The following TACR1 variants were observed in gnomAD, a reference collection of about 807,000 sequenced individuals.
The protein encoded by TACR1 is tachykinin receptor 1, also known as substance-P receptor.
A neutral mutation model predicts 35.8 loss-of-function variants in TACR1; 25 were observed. The observed-to-expected ratio is 0.70, with a 90% confidence interval of 0.51 to 0.98. The LOEUF (loss-of-function observed/expected upper bound fraction) is 0.98. TACR1 is among the 50% of genes least tolerant of loss of function. TACR1 has a pLI of 0.00. For missense variants in TACR1, 478 were observed against 522.9 expected, an observed-to-expected ratio of 0.91 and a Z score of 0.84; for synonymous variants, 195 against 206.7, an observed-to-expected ratio of 0.94 and a Z score of 0.48.
At chr2:75,138,535 A>G (rs1000454717) in intron 1 of TACR1, among the ~76,000 whole-genome samples, 1 of 152,168 alleles carries the variant, frequency 6.6e-6, no homozygotes, top group Admixed American at 6.5e-5. Flanking sequence ...AACTGAGGAA[A>G]TGTTTGAACA....
chr2:75,157,993 A>C (rs1306595655), intron 1 of TACR1, among the ~76,000 whole-genome samples: 3 of 152,256 alleles, frequency 2.0e-5, no homozygotes, highest in African/African-American at 7.2e-5. Context: ...TGAGTTTGGG[A>C]AATTCTCATT....
chr2:75,131,528 T>C (rs531000845), intron 1 of TACR1, among the ~76,000 whole-genome samples: 1 of 152,336 alleles, frequency 6.6e-6, no homozygotes, highest in South Asian at 2.1e-4. Flanking sequence ...GGTACTAATA[T>C]GAATACATTA....
chr2:75,199,146 T>A lies in TACR1; in HGVS notation c.-212A>T, dbSNP rs560897760. On this transcript the variant is annotated 5_prime_UTR_variant, in exon 1 of 5. Transcript: ENST00000305249. ...CCCGCCTGCCCGCGGTGGCTCTGAA[T>A]TCCTCCACTTTCAAGCTTCAGGAGA... 1.8e-6 allele frequency: 1 copy of A among 567,296 alleles called. No homozygotes were observed. Among genetic ancestry groups the A allele is most frequent in the African/African-American group, 1.9e-5 (1 of 53,658 alleles). 35.1% of individuals were successfully genotyped at this position (567,296 alleles called of 1,614,324 possible). A position where few individuals can be genotyped will look rare whatever the true frequency, so the allele number is the denominator to read the frequency against.
chr2:75,119,332 C>T (rs984975452), intron 2 of TACR1, among the ~76,000 whole-genome samples: 4 of 152,192 alleles, frequency 2.6e-5, no homozygotes, highest in East Asian at 1.9e-4. Flanking sequence ...ATTTTAATAA[C>T]GAGGAGAGGC....
At chr2:75,131,142 G>A (rs1313029422) in intron 1 of TACR1, among the ~76,000 whole-genome samples, 1 of 151,042 alleles carries the variant, frequency 6.6e-6, no homozygotes, top group Non-Finnish European at 1.5e-5. Context: ...AGGCTGGAGT[G>A]CAGTGGCACT....
intron 1 of TACR1, among the ~76,000 whole-genome samples, chr2:75,175,944 C>T (rs887615459): frequency 6.3e-5 from 9 of 142,190 alleles, no homozygotes; most frequent in Admixed American, 1.5e-4. Flanking sequence ...CTTTTATTGC[C>T]GATAATTAAT....
intron 1 of TACR1, among the ~76,000 whole-genome samples, chr2:75,160,491 G>C (rs1196971370): frequency 6.6e-6 from 1 of 152,004 alleles, no homozygotes; most frequent in Admixed American, 6.6e-5. Context: ...CAAAGGAATA[G>C]AAGCTGAAAT....
intron 1 of TACR1, among the ~76,000 whole-genome samples, chr2:75,153,900 T>G (rs1407103480): frequency 6.6e-6 from 1 of 152,234 alleles, no homozygotes; most frequent in Non-Finnish European, 1.5e-5. Context: ...ATTAAATTTT[T>G]TTTCCTGGAA....
intron 2 of TACR1, among the ~76,000 whole-genome samples, chr2:75,100,159 T>C (rs1180125866): frequency 6.6e-6 from 1 of 152,150 alleles, no homozygotes; most frequent in Non-Finnish European, 1.5e-5. Context: ...TAGTAGCTAA[T>C]GAGTGAGCTC....
chr2:75,062,263 G>A (rs912226430), intron 2 of TACR1, among the ~76,000 whole-genome samples: 1 of 151,740 alleles, frequency 6.6e-6, no homozygotes, highest in Non-Finnish European at 1.5e-5. Flanking sequence ...TATACTCATC[G>A]TCGATTTGAA....
intron 1 of TACR1, among the ~76,000 whole-genome samples, chr2:75,137,455 G>T (rs1674314495): frequency 6.6e-6 from 1 of 152,018 alleles, no homozygotes; most frequent in Admixed American, 6.6e-5. Context: ...GCAGGGCATG[G>T]TGCCTCATGC....
chr2:75,132,987 T>C (rs1322154325), intron 1 of TACR1, among the ~76,000 whole-genome samples: 2 of 152,226 alleles, frequency 1.3e-5, no homozygotes, highest in Non-Finnish European at 2.9e-5. Flanking sequence ...AGTTCTCTTT[T>C]ACACTGAGGA....
chr2:75,181,869 C>G (rs1241882143), intron 1 of TACR1, among the ~76,000 whole-genome samples: 2 of 152,292 alleles, frequency 1.3e-5, no homozygotes, highest in East Asian at 3.9e-4. Context: ...TCCTCCCAAC[C>G]TGACCTCACT....
rs2104069668 is a variant in TACR1 at position 75,187,372 on chromosome 2, C to G, written c.389+11174G>C. 6 of 151,004 alleles carry G rather than the reference C, an allele frequency of 4.0e-5. 1 individual carries two copies. The Middle Eastern group carries it at 0.017, about 428-fold the overall frequency. 9.4% of individuals were successfully genotyped at this position (151,004 alleles called of 1,614,324 possible). A position where few individuals can be genotyped will look rare whatever the true frequency, so the allele number is the denominator to read the frequency against. On this transcript the variant is annotated intron_variant, in intron 1 of 4. Coordinates refer to ENST00000305249, the MANE Select transcript of TACR1 (RefSeq NM_001058.4). ...TTTGACAGCTCCTGGTGACAGATCCCCACCACAGTATCCTCCAGCAGACCC... is the reference window on the plus strand; with the variant it reads ...TTTGACAGCTCCTGGTGACAGATCCGCACCACAGTATCCTCCAGCAGACCC...
At chr2:75,153,961 G>A (rs960371710) in intron 1 of TACR1, among the ~76,000 whole-genome samples, 1 of 152,158 alleles carries the variant, frequency 6.6e-6, no homozygotes, top group African/African-American at 2.4e-5. Flanking sequence ...GTGGGACTGA[G>A]GTCTCTCCAT....
chr2:75,060,477 G>A (rs1471893550), intron 2 of TACR1, among the ~76,000 whole-genome samples: 3 of 152,114 alleles, frequency 2.0e-5, no homozygotes, highest in African/African-American at 4.8e-5. Context: ...GAGGGAGCAA[G>A]TGCAAAGGCA....
At chr2:75,180,745 G>C (rs1296110685) in intron 1 of TACR1, among the ~76,000 whole-genome samples, 2 of 152,158 alleles carry the variant, frequency 1.3e-5, no homozygotes, top group Non-Finnish European at 2.9e-5. Context: ...ACAAGATTCA[G>C]ACAAGCACAG....
chr2:75,095,026 G>A (rs1355492737), intron 2 of TACR1, among the ~76,000 whole-genome samples: 1 of 151,846 alleles, frequency 6.6e-6, no homozygotes, highest in African/African-American at 2.4e-5. Context: ...ACCACTGACT[G>A]GGAGTGAGGA....
intron 1 of TACR1, among the ~76,000 whole-genome samples, chr2:75,124,741 C>T (rs1464434601): frequency 6.6e-6 from 1 of 152,168 alleles, no homozygotes; most frequent in African/African-American, 2.4e-5. Context: ...TTTACAAAAA[C>T]AGGAGGTAGG....
Sources: allele counts gnomAD v4.1 joint callset (sites outside exome capture counted in the v4.1 genomes callset), GRCh38; gene constraint gnomAD v4.1.1; transcripts MANE v1.5; gene names NCBI Gene and HGNC (gene_info 2026-07-23, HGNC 2026-07-21).